SP2: variants seen among roughly 807,000 people sequenced by gnomAD.
SP2 encodes transcription factor Sp2.
In SP2, 9 loss-of-function variants were observed where a neutral mutation model predicts 50.1. That is an observed-to-expected ratio of 0.18 (90% CI 0.11 to 0.31). The LOEUF is 0.31. Ranked by LOEUF, SP2 falls within the 10% of genes least tolerant of loss-of-function variation. The probability of loss-of-function intolerance (pLI) is 1.00; values close to 1 mark genes in which losing one functional copy is unlikely to be tolerated. For synonymous variants in SP2, 313 were observed against 326.6 expected (o/e 0.96, Z 0.45); for missense variants, 581 against 806.5 (o/e 0.72, Z 3.39).
At chr17:47,923,989 C>T (rs758764682) in intron 4 of SP2, among the ~76,000 whole-genome samples, 1 of 152,040 alleles carries the variant, frequency 6.6e-6, no homozygotes, top group South Asian at 2.1e-4. Context: ...TGTGAGCCAC[C>T]GTGCCCAGCC....
chr17:47,923,035 C>T lies in SP2; in HGVS notation c.1133C>T (p.Ala378Val). The T allele has an allele frequency of 6.2e-7, 1 of 1,614,174 alleles. No individual in the cohort carries two copies. The highest frequency in any genetic ancestry group is 8.5e-7 in the Non-Finnish European group (1 of 1,179,998). Reference sequence around the variant, plus strand: ...GACAGCCCCCCAGCAACAGCTGCAGCCACCTCTAACACCACCTGTAGCAGC... The same window carrying T: ...GACAGCCCCCCAGCAACAGCTGCAGTCACCTCTAACACCACCTGTAGCAGC... ...VQDSPPATAA[A>V]TSNTTCSSPA... is the part of the protein sequence containing the mutation. Residue 378 changes from alanine to valine, a missense_variant, in exon 4 of 7, where the codon GCC becomes GTC. Coordinates refer to ENST00000376741, the MANE Select transcript of SP2 (RefSeq NM_003110.6).
chr17:47,921,223 T>G (rs1289454528), intron 3 of SP2, among the ~76,000 whole-genome samples: 2 of 152,222 alleles, frequency 1.3e-5, no homozygotes, highest in Non-Finnish European at 2.9e-5. Flanking sequence ...ATTTATTTAT[T>G]TATGTCATTA....
intron 1 of SP2, among the ~76,000 whole-genome samples, chr17:47,907,474 A>G (rs996154317): frequency 2.0e-5 from 3 of 152,174 alleles, no homozygotes; most frequent in Non-Finnish European, 4.4e-5. Flanking sequence ...GAGAGGTACT[A>G]TTGCTTGTAT....
At chr17:47,925,155 C>T (rs1440952241) in intron 5 of SP2, 62 bp downstream of exon 5, 3 of 1,530,278 alleles carry the variant, frequency 2.0e-6, no homozygotes, top group African/African-American at 1.4e-5. Flanking sequence ...CCCTCCTGGA[C>T]AGTTGTCCAG....
rs1250717340 is a variant in SP2 at position 47,925,388 on chromosome 17, C to T, written c.1588C>T (p.Pro530Ser). The change falls in exon 6 of 7, where the codon CCC becomes TCC. Residue 530 changes from proline to serine, a missense_variant. This residue lies in a region of SP2 where 184 missense variants were observed against 315.5 expected (regional missense o/e 0.58). Transcript: ENST00000376741. ...CAAGAAGAAGCACGTGTGCCACATC[C>T]CCGACTGTGGCAAGACGTTCCGTAA... is the stretch of plus-strand genomic sequence containing the variant. ...QGKKKHVCHI[P>S]DCGKTFRKTS... The T allele has an allele frequency of 1.2e-6, 2 of 1,614,174 alleles. No individual in the cohort carries two copies. The highest frequency in any genetic ancestry group is 3.3e-5 in the Admixed American group (2 of 60,032).
chr17:47,931,434 C>A (rs2035815979), downstream of SP2, among the ~76,000 whole-genome samples: 1 of 152,130 alleles, frequency 6.6e-6, no homozygotes, highest in Non-Finnish European at 1.5e-5. Flanking sequence ...GCCTGCCACA[C>A]GACATATTTT....
chr17:47,927,531 CAAAA>C (rs61309845), intron 6 of SP2, among the ~76,000 whole-genome samples, 189 bp from the exon 7 acceptor site: 6 of 83,942 alleles, frequency 7.1e-5, no homozygotes, highest in Admixed American at 1.3e-4. Context: ...GACTCCATCT[CAAAA>C]AAAAAAAAAA....
In SP2 at chr17:47,925,057, C is replaced by T. The variant is rs753719334; in HGVS notation, c.1511C>T (p.Ala504Val). Residue 504 changes from alanine (A) to valine (V), a missense_variant, in exon 5 of 7, where the codon GCC (alanine) becomes GTC (valine). Physicochemically the swap from Ala to Val is moderately conservative, Grantham distance 64. Coordinates refer to ENST00000376741, the MANE Select transcript of SP2 (RefSeq NM_003110.6). ...CCCGGGGAGAAGCGGCGCCGCATGG[C>T]CTGCACGTGTCCCAACTGCAAGGAT... ...TQPGEKRRRMACTCPNCKDGE... is the reference protein window; with the variant it reads ...TQPGEKRRRMVCTCPNCKDGE... The T allele has an allele frequency of 1.2e-6, 2 of 1,613,570 alleles. No individual in the cohort carries two copies. The highest frequency in any genetic ancestry group is 4.5e-5 in the East Asian group (2 of 44,884).
chr17:47,902,059 A>C (rs1054823934), intron 1 of SP2, among the ~76,000 whole-genome samples: 4 of 152,186 alleles, frequency 2.6e-5, no homozygotes, highest in Non-Finnish European at 4.4e-5. Context: ...GGCAATTTAC[A>C]TAGGGTGATC....
chr17:47,906,664 T>C (rs2143834092), intron 1 of SP2, among the ~76,000 whole-genome samples: 1 of 152,324 alleles, frequency 6.6e-6, no homozygotes, highest in South Asian at 2.1e-4. Flanking sequence ...GAAAGACAGC[T>C]GCAGACACTG....
At chr17:47,902,444 A>G (rs1054877014) in intron 1 of SP2, among the ~76,000 whole-genome samples, 3 of 152,198 alleles carry the variant, frequency 2.0e-5, no homozygotes, top group Admixed American at 2.0e-4. Context: ...TGTGTTGAGA[A>G]TAGACTGATG....
At chr17:47,922,896 A>G (rs1239887760) in intron 3 of SP2, 66 bp from the exon 4 acceptor site, 2 of 1,429,538 alleles carry the variant, frequency 1.4e-6, no homozygotes, top group East Asian at 4.6e-5. Flanking sequence ...TTGGGCAGGG[A>G]CATTTGAAGG....
intron 5 of SP2, 36 bp downstream of exon 5, chr17:47,925,129 C>A: frequency 6.4e-7 from 1 of 1,566,704 alleles, no homozygotes; most frequent in South Asian, 1.2e-5. Context: ...ACAAGGCTGG[C>A]CTGTGTTCCC....
intron 1 of SP2, among the ~76,000 whole-genome samples, chr17:47,903,493 C>T (rs564375348): frequency 6.6e-6 from 1 of 150,506 alleles, no homozygotes; most frequent in South Asian, 2.1e-4. Flanking sequence ...TGGTGAAACC[C>T]CAACTCTATT....
intron 1 of SP2, chr17:47,900,344 T>C (rs777862589): frequency 1.2e-4 from 19 of 152,230 alleles, no homozygotes; most frequent in Non-Finnish European, 2.5e-4. Context: ...ATATCTCTGC[T>C]CTCAATTGAT....
At chr17:47,915,589 T>C (rs1052421952) in intron 2 of SP2, among the ~76,000 whole-genome samples, 1 of 152,160 alleles carries the variant, frequency 6.6e-6, no homozygotes, top group Non-Finnish European at 1.5e-5. Context: ...AAAACAAGGA[T>C]TAAACTCTGT....
At chr17:47,900,016 C>T (rs912988041) in intron 1 of SP2, 3 of 152,244 alleles carry the variant, frequency 2.0e-5, no homozygotes, top group Non-Finnish European at 4.4e-5. Flanking sequence ...GCTTGCTATA[C>T]TTAGCCAGAA....
At chr17:47,918,189 C>T (rs1196115036) in intron 3 of SP2, among the ~76,000 whole-genome samples, 1 of 151,922 alleles carries the variant, frequency 6.6e-6, no homozygotes, top group Admixed American at 6.6e-5. Context: ...AGAGGAAGAA[C>T]CGAATGACTG....
intron 3 of SP2, 131 bp from the exon 4 acceptor site, chr17:47,922,831 G>A (rs146084401): frequency 0.038 from 28,431 of 741,716 alleles, 756 homozygotes; most frequent in Middle Eastern, 0.11. Flanking sequence ...GTGTATAAAT[G>A]TAGGTTTGGG....
Sources: gnomAD v4.1 joint callset for allele counts (sites outside exome capture counted in the v4.1 genomes callset) on GRCh38, gnomAD v4.1.1 for gene constraint, gnomAD v4.1.1 regional missense constraint, MANE v1.5 for transcripts, NCBI Gene and HGNC (gene_info 2026-07-23, HGNC 2026-07-21) for gene names.